The following PCNX2 variants were observed in gnomAD, a reference collection of about 807,000 sequenced individuals.
The protein encoded by PCNX2 is pecanex 2, also known as pecanex-like protein 2.
PCNX2 carries 168 observed loss-of-function variants against 223.8 expected under a neutral mutation model. The observed-to-expected ratio is 0.75, with a 90% CI of 0.66 to 0.85. The LOEUF (loss-of-function observed/expected upper bound fraction) is 0.85. PCNX2 is among the 40% of genes least tolerant of loss of function. The probability of loss-of-function intolerance (pLI) is 0.00; values close to 1 mark genes in which losing one functional copy is unlikely to be tolerated. For missense variants in PCNX2, 2,507 were observed against 2,675.5 expected (o/e 0.94, Z 1.39); for synonymous variants, 1,006 against 1,052.6 (o/e 0.96, Z 0.86).
chr1:233,084,612 GA>G (rs1244313449), intron 23 of PCNX2, among the ~76,000 whole-genome samples: 4 of 152,274 alleles, frequency 2.6e-5, no homozygotes, highest in South Asian at 2.1e-4. Flanking sequence ...CATTATTTTA[GA>G]AAGCTGAAAA....
the PCNX2 span, among the ~76,000 whole-genome samples, chr1:233,317,244 T>C: frequency 6.6e-6 from 1 of 152,002 alleles, no homozygotes; most frequent in Non-Finnish European, 1.5e-5. Flanking sequence ...TGAAATCCTG[T>C]CTCTACTAAA....
chr1:233,279,628 T>C (rs934657656), intron 1 of PCNX2, among the ~76,000 whole-genome samples: 1 of 152,036 alleles, frequency 6.6e-6, no homozygotes, highest in Non-Finnish European at 1.5e-5. Context: ...TGTGAGTCCT[T>C]TGATTTTGTA....
chr1:233,294,112 C>T, intron 1 of PCNX2: 1 of 571,242 alleles, frequency 1.8e-6, no homozygotes, highest in Non-Finnish European at 2.2e-6. Context: ...GATATGAATG[C>T]TAAGTTTTAG....
rs778534382 is a variant in PCNX2 at position 233,177,790 on chromosome 1, C to T, written c.3273+12G>A. 5 of 1,605,288 alleles carry T rather than the reference C, an allele frequency of 3.1e-6. No individual in the cohort carries two copies. The highest frequency in any genetic ancestry group is 1.7e-4 in the Middle Eastern group (1 of 6,050). ...CCCTCCTATGCTACATTACACAACG[C>T]AAATGTCTCACCACTGAATCTTTCA... On this transcript the variant is annotated intron_variant, in intron 17 of 33. Coordinates refer to ENST00000258229, the MANE Select transcript of PCNX2 (RefSeq NM_014801.4).
intron 23 of PCNX2, among the ~76,000 whole-genome samples, chr1:233,078,967 C>T (rs1479859120): frequency 6.6e-6 from 1 of 152,106 alleles, no homozygotes; most frequent in Non-Finnish European, 1.5e-5. Context: ...GGGTCAAGTT[C>T]ATAATTTGGC....
chr1:233,030,149 A>G (rs1236911364), intron 25 of PCNX2, among the ~76,000 whole-genome samples: 1 of 152,206 alleles, frequency 6.6e-6, no homozygotes, highest in Non-Finnish European at 1.5e-5. Context: ...TATTTGCATC[A>G]GACTGGATAG....
chr1:233,319,207 A>AT, the PCNX2 span, among the ~76,000 whole-genome samples: 11 of 151,800 alleles, frequency 7.2e-5, no homozygotes, highest in Admixed American at 1.3e-4. Flanking sequence ...CTCATCCCTC[A>AT]TTTTTTCACT....
At chr1:233,322,333 A>G in the PCNX2 span, among the ~76,000 whole-genome samples, 1 of 152,154 alleles carries the variant, frequency 6.6e-6, no homozygotes, top group South Asian at 2.1e-4. Flanking sequence ...GTACATGCCT[A>G]TGAGTAGGGC....
chr1:233,317,400 C>T, the PCNX2 span, among the ~76,000 whole-genome samples: 11 of 149,614 alleles, frequency 7.4e-5, no homozygotes, highest in South Asian at 4.3e-4. Flanking sequence ...GGCAACAGTG[C>T]GAGACTCTGT....
At chr1:233,299,283 T>C (rs536857452), upstream of PCNX2, among the ~76,000 whole-genome samples, 11 of 152,344 alleles carry the variant, frequency 7.2e-5, no homozygotes, top group Non-Finnish European at 1.2e-4. Flanking sequence ...CAAATGATAA[T>C]TAACTACATA....
chr1:233,040,996 T>C (rs972124222), intron 25 of PCNX2, among the ~76,000 whole-genome samples: 1 of 152,230 alleles, frequency 6.6e-6, no homozygotes, highest in Admixed American at 6.5e-5. Context: ...GATCCACGAT[T>C]CATTAGTCCT....
At chr1:233,245,721 T>C (rs1445511971) in intron 8 of PCNX2, among the ~76,000 whole-genome samples, 1 of 152,200 alleles carries the variant, frequency 6.6e-6, no homozygotes, top group Admixed American at 6.5e-5. Context: ...GAGACCATCC[T>C]GGCTAACATG....
chr1:233,259,087 G>T lies in PCNX2; in HGVS notation c.775C>A (p.Leu259Met). Residue 259 changes from leucine to methionine, a missense_variant, in exon 5 of 34, where the codon CTG becomes ATG. By Grantham distance (15) the Leu-to-Met change is conservative. Around this residue, in one of 3 missense-constraint regions of PCNX2, gnomAD observed 1,031 missense variants for 1,021.7 expected, o/e 1.01. Transcript: ENST00000258229. The stretch of plus-strand genomic sequence containing the variant: ...AGTAAGTCATACTGAGACAAAGACA[G>T]GTGGGGCAACTTCTTCAAGGGTCCC... ...DKGPLKKLPHLSLSQYDLLET... is the reference protein window; with the variant it reads ...DKGPLKKLPHMSLSQYDLLET... 6.2e-7 allele frequency: 1 copy of T among 1,613,998 alleles called. No homozygotes were observed. The highest frequency in any genetic ancestry group is 8.5e-7 in the Non-Finnish European group (1 of 1,179,878).
chr1:232,998,224 T>C, intron 32 of PCNX2, 27 bp downstream of exon 32: 1 of 1,503,266 alleles, frequency 6.7e-7, no homozygotes, highest in Non-Finnish European at 8.9e-7. Flanking sequence ...ACTTCATCGA[T>C]AGTTTGGAGG....
At chr1:233,238,398 T>C (rs371123719) in intron 8 of PCNX2, among the ~76,000 whole-genome samples, 32 of 152,310 alleles carry the variant, frequency 2.1e-4, no homozygotes, top group African/African-American at 7.5e-4. Flanking sequence ...GTGTTTAAAA[T>C]ACTGTCATAC....
the PCNX2 span, among the ~76,000 whole-genome samples, chr1:233,302,954 G>C: frequency 6.6e-6 from 1 of 152,058 alleles, no homozygotes; most frequent in Non-Finnish European, 1.5e-5. Flanking sequence ...TAAAAAGAAT[G>C]ATTTTTCTGC....
Position 232,999,333 on chromosome 1 carries a change from T to G in PCNX2, c.5375A>C (p.Glu1792Ala). The change falls in exon 31 of 34, where the codon GAG becomes GCG. Residue 1792 changes from glutamate (E) to alanine (A), a missense_variant. Physicochemically the swap from Glu to Ala is moderately radical, Grantham distance 107. This residue lies in a region of PCNX2 where 1,372 missense variants were observed against 1,509.4 expected (regional missense o/e 0.91). Coordinates refer to ENST00000258229, the MANE Select transcript of PCNX2 (RefSeq NM_014801.4). ...ATTGCGGTTGCGAAGAAATATAAGC[T>G]CCTGCTGCTGCCCGGCCCAAAGTCC... ...VRGLWAGQQQELIFLRNRNPE... is the reference protein window; with the variant it reads ...VRGLWAGQQQALIFLRNRNPE... 6.2e-7 allele frequency: 1 copy of G among 1,602,090 alleles called. No homozygotes were observed. Among genetic ancestry groups the G allele is most frequent in the South Asian group, 1.1e-5 (1 of 88,894 alleles).
At chr1:233,163,738 C>G (rs1345238238) in intron 17 of PCNX2, among the ~76,000 whole-genome samples, 2 of 151,804 alleles carry the variant, frequency 1.3e-5, no homozygotes, top group Non-Finnish European at 2.9e-5. Context: ...TTTAGTGATC[C>G]TTCTGCCTCA....
rs372354791 is a variant in PCNX2, at chr1:233,090,099, T to C, written c.4038A>G (p.Ser1346=). 112 of 1,613,882 alleles carry C rather than the reference T, an allele frequency of 6.9e-5. 1 individual carries two copies. Among genetic ancestry groups the C allele is most frequent in the Middle Eastern group, 6.6e-4 (4 of 6,062 alleles). The stretch of plus-strand genomic sequence containing the variant: ...CCCAGAATTTCACTGGCCTGACATA[T>C]GATGTGATGAAAATGACACTCCCAA... ...PFLGSVIFIT[S]YVRPVKFWEK... Residue 1346 remains serine, a synonymous_variant, in exon 23 of 34, where the codon TCA becomes TCG. Transcript: ENST00000258229.
Sources: gnomAD v4.1 joint callset for allele counts (sites outside exome capture counted in the v4.1 genomes callset) on GRCh38, gnomAD v4.1.1 for gene constraint, gnomAD v4.1.1 regional missense constraint, MANE v1.5 for transcripts, NCBI Gene and HGNC (gene_info 2026-07-23, HGNC 2026-07-21) for gene names.